RFX4: variants seen among roughly 807,000 people sequenced by gnomAD.
RFX4 encodes the protein regulatory factor X4.
A neutral mutation model predicts 95.0 loss-of-function variants in RFX4; 10 were observed. That is an observed-to-expected ratio of 0.11 (90% CI 0.06 to 0.18). RFX4 has a LOEUF of 0.18. Among genes scored for constraint, RFX4 ranks in the 10% least tolerant of loss-of-function variants. RFX4 has a pLI of 1.00. For missense variants in RFX4, 640 were observed against 922.0 expected, an observed-to-expected ratio of 0.69 and a Z score of 3.96; for synonymous variants, 321 against 340.7, an observed-to-expected ratio of 0.94 and a Z score of 0.64.
At position 106,696,411 on chromosome 12, in the gene RFX4, G is replaced by A. The variant is rs2041880806; in HGVS notation, c.798G>A (p.Val266=). 6.2e-7 allele frequency: 1 copy of A among 1,614,040 alleles called. No individual in the cohort carries two copies. The highest frequency in any genetic ancestry group is 1.7e-5 in the Admixed American group (1 of 60,008). The change falls in exon 8 of 18, where the codon GTG becomes GTA. Residue 266 remains valine, a synonymous_variant. Coordinates refer to ENST00000392842, the MANE Select transcript of RFX4 (RefSeq NM_213594.3). ...TCCTCTACAAAGCTATCTCCGGGGT[G>A]CTGATGCCCACTGTGCTGCAGGCAT... ...DSILYKAISG[V]LMPTVLQALP...
chr12:106,648,017 C>T (rs1208443328), intron 3 of RFX4, among the ~76,000 whole-genome samples: 2 of 152,186 alleles, frequency 1.3e-5, no homozygotes, highest in Non-Finnish European at 2.9e-5. Flanking sequence ...ATGGCCATCC[C>T]TGGGAAGTAG....
At chr12:106,705,891 A>G (rs2042075239) in intron 8 of RFX4, among the ~76,000 whole-genome samples, 1 of 152,218 alleles carries the variant, frequency 6.6e-6, no homozygotes, top group Non-Finnish European at 1.5e-5. Context: ...GGATACAGTG[A>G]TAAGCAAAAC....
chr12:106,588,506 G>A (rs977770288), intron 1 of RFX4, among the ~76,000 whole-genome samples: 1 of 152,180 alleles, frequency 6.6e-6, no homozygotes, highest in Non-Finnish European at 1.5e-5. Flanking sequence ...AAGTTTTTGG[G>A]AAGAAGTCTC....
intron 2 of RFX4, among the ~76,000 whole-genome samples, chr12:106,616,932 T>G (rs747174250): frequency 3.3e-4 from 50 of 151,302 alleles, no homozygotes; most frequent in Non-Finnish European, 4.9e-4. Context: ...GGCTAATTTT[T>G]GTATTTTTTT....
At position 106,728,580 on chromosome 12, in the gene RFX4, G is replaced by A. The variant is rs116402593; in HGVS notation, c.1352-3550G>A. On this transcript the variant is annotated intron_variant, in intron 13 of 17. Coordinates refer to ENST00000392842, the MANE Select transcript of RFX4 (RefSeq NM_213594.3). ...AATACAGGTTATAGTATTTAACTTC[G>A]ATGGTGAGAAATGCTAAGGAGATAA... Among the ~76,000 whole-genome samples the A allele has an allele frequency of 4.0e-3, 616 of 152,214 alleles. 3 individuals are homozygous for A. The highest frequency in any genetic ancestry group is 0.014 in the African/African-American group (594 of 41,532).
At chr12:106,618,866 T>A (rs1176457160) in intron 2 of RFX4, among the ~76,000 whole-genome samples, 1 of 152,188 alleles carries the variant, frequency 6.6e-6, no homozygotes, top group Non-Finnish European at 1.5e-5. Flanking sequence ...TTTAAAAATA[T>A]TTGATGTTTT....
chr12:106,707,580 T>C (rs2042109508), intron 8 of RFX4, among the ~76,000 whole-genome samples: 1 of 151,992 alleles, frequency 6.6e-6, no homozygotes, highest in South Asian at 2.1e-4. Flanking sequence ...GCTGCCAAGA[T>C]GTCAAGCAGA....
chr12:106,650,957 T>C (rs924759348), intron 3 of RFX4, among the ~76,000 whole-genome samples: 2 of 152,190 alleles, frequency 1.3e-5, no homozygotes, highest in Non-Finnish European at 2.9e-5. Flanking sequence ...CTTTGAGTCT[T>C]TGTTTCTTTC....
At chr12:106,751,246 TC>T (rs1411121663) in intron 17 of RFX4, among the ~76,000 whole-genome samples, 2 of 151,186 alleles carry the variant, frequency 1.3e-5, no homozygotes, top group Non-Finnish European at 2.9e-5. Flanking sequence ...TTCATCCATG[TC>T]CCTACAAAGG....
At chr12:106,623,917 T>C (rs940687389) in intron 2 of RFX4, among the ~76,000 whole-genome samples, 1 of 152,242 alleles carries the variant, frequency 6.6e-6, no homozygotes, top group African/African-American at 2.4e-5. Flanking sequence ...ATTCAACAAC[T>C]CAGCATCCTC....
intron 5 of RFX4, chr12:106,682,855 AT>A (rs1337162513): frequency 6.6e-6 from 1 of 152,228 alleles, no homozygotes; most frequent in African/African-American, 2.4e-5. Context: ...TAAAATCTGC[AT>A]TTATAGGACT....
intron 2 of RFX4, among the ~76,000 whole-genome samples, chr12:106,611,514 T>TC (rs1429410394): frequency 6.7e-6 from 1 of 148,682 alleles, no homozygotes; most frequent in Non-Finnish European, 1.5e-5. Flanking sequence ...CCAGCTTTAT[T>TC]CTTTTTTTTT....
intron 1 of RFX4, among the ~76,000 whole-genome samples, chr12:106,593,138 C>T (rs1194631785): frequency 6.6e-6 from 1 of 152,150 alleles, no homozygotes; most frequent in Non-Finnish European, 1.5e-5. Context: ...TATTGTGCCT[C>T]GGAGCAATCA....
intron 1 of RFX4, among the ~76,000 whole-genome samples, chr12:106,592,017 T>C (rs1324510201): frequency 1.3e-5 from 2 of 152,250 alleles, no homozygotes; most frequent in Non-Finnish European, 2.9e-5. Flanking sequence ...TGTGAAAATG[T>C]CTACTCACTA....
chr12:106,605,435 G>A (rs1411394195), intron 1 of RFX4, among the ~76,000 whole-genome samples: 1 of 152,234 alleles, frequency 6.6e-6, no homozygotes, highest in Non-Finnish European at 1.5e-5. Context: ...AGAGGTCAAA[G>A]TGCACCTGCA....
At chr12:106,690,769 C>T (rs1565981431) in intron 7 of RFX4, among the ~76,000 whole-genome samples, 1 of 152,220 alleles carries the variant, frequency 6.6e-6, no homozygotes, top group Non-Finnish European at 1.5e-5. Context: ...ACGGCCCCAC[C>T]TTAATGCAGC....
At chr12:106,600,790 A>AGCCCACCCAG (rs1174012571) in intron 1 of RFX4, among the ~76,000 whole-genome samples, 1 of 151,970 alleles carries the variant, frequency 6.6e-6, no homozygotes, top group East Asian at 1.9e-4. Flanking sequence ...CACACACCCA[A>AGCCCACCCAG]GCCCACCCAG....
chr12:106,751,269 T>A (rs2042999998), intron 17 of RFX4, among the ~76,000 whole-genome samples: 1 of 149,784 alleles, frequency 6.7e-6, no homozygotes, highest in Non-Finnish European at 1.5e-5. Context: ...CATGAACTCA[T>A]CATTTTTTAT....
At chr12:106,634,272 C>T (rs2040470778) in intron 2 of RFX4, among the ~76,000 whole-genome samples, 1 of 152,156 alleles carries the variant, frequency 6.6e-6, no homozygotes, top group Non-Finnish European at 1.5e-5. Context: ...GGAGCTGTGA[C>T]GTCCCCTGGT....
Sources: gnomAD v4.1 joint callset for allele counts (sites outside exome capture counted in the v4.1 genomes callset) on GRCh38, gnomAD v4.1.1 for gene constraint, MANE v1.5 for transcripts, NCBI Gene and HGNC (gene_info 2026-07-23, HGNC 2026-07-21) for gene names.